Variants in LRP1B observed in about 807,000 individuals in gnomAD.
LRP1B encodes the protein LDL receptor related protein 1B, also known as low-density lipoprotein receptor-related protein 1B.
A neutral mutation model predicts 556.6 loss-of-function variants in LRP1B; 217 were observed. The ratio of observed to expected loss-of-function variants is 0.39; its 90% CI spans 0.35 to 0.44. LRP1B has a LOEUF of 0.44. Ranked by LOEUF, LRP1B falls within the 20% of genes least tolerant of loss-of-function variation. LRP1B has a pLI of 1.00. For missense variants in LRP1B, 5,053 were observed against 5,620.8 expected, an observed-to-expected ratio of 0.90 and a Z score of 3.23; for synonymous variants, 2,047 against 1,865.8, an observed-to-expected ratio of 1.10 and a Z score of -2.50.
At chr2:140,472,758 A>G (rs1026279981) in intron 60 of LRP1B, among the ~76,000 whole-genome samples, 2 of 152,050 alleles carry the variant, frequency 1.3e-5, no homozygotes, top group African/African-American at 4.8e-5. Context: ...GGGAAAGAAT[A>G]CCCAACTTTT....
chr2:142,105,455 C>T (rs1053410418), intron 1 of LRP1B, among the ~76,000 whole-genome samples: 4 of 152,118 alleles, frequency 2.6e-5, no homozygotes, highest in South Asian at 2.1e-4. Context: ...TCACTGTTAA[C>T]TCTTACATGG....
At chr2:141,784,628 T>C (rs1396035325) in intron 2 of LRP1B, among the ~76,000 whole-genome samples, 1 of 151,942 alleles carries the variant, frequency 6.6e-6, no homozygotes, top group Non-Finnish European at 1.5e-5. Flanking sequence ...AAATATGTTT[T>C]CCTTACCCCA....
intron 25 of LRP1B, among the ~76,000 whole-genome samples, chr2:140,875,401 ATTAAAAT>A (rs1693274136): frequency 6.6e-6 from 1 of 152,190 alleles, no homozygotes; most frequent in South Asian, 2.1e-4. Flanking sequence ...TATGGTCAAG[ATTAAAAT>A]TTTATAGATT....
At chr2:141,863,775 C>A in intron 1 of LRP1B, among the ~76,000 whole-genome samples, 1 of 151,784 alleles carries the variant, frequency 6.6e-6, no homozygotes, top group Non-Finnish European at 1.5e-5. Flanking sequence ...CAAACTTAAA[C>A]CTATTTGATT....
intron 31 of LRP1B, among the ~76,000 whole-genome samples, chr2:140,814,742 G>A (rs1041716828): frequency 6.6e-6 from 1 of 152,108 alleles, no homozygotes. Flanking sequence ...GGTTGATATG[G>A]GGGAGATAAA....
chr2:141,203,389 C>T (rs1403549997), intron 6 of LRP1B, among the ~76,000 whole-genome samples: 2 of 151,920 alleles, frequency 1.3e-5, no homozygotes, highest in African/African-American at 2.4e-5. Flanking sequence ...AGTTGCAATC[C>T]TAATCTGTGA....
intron 41 of LRP1B, among the ~76,000 whole-genome samples, chr2:140,602,625 T>C (rs1306111961): frequency 6.6e-6 from 1 of 152,058 alleles, no homozygotes; most frequent in East Asian, 1.9e-4. Context: ...AATAGGTATC[T>C]GAAAAGAGCT....
chr2:141,899,906 C>G (rs978809792), intron 1 of LRP1B, among the ~76,000 whole-genome samples: 4 of 152,098 alleles, frequency 2.6e-5, no homozygotes, highest in South Asian at 4.1e-4. Context: ...ATCTCTACCC[C>G]CTGCTTGGCA....
At chr2:140,490,233 C>T (rs1278667069) in intron 57 of LRP1B, among the ~76,000 whole-genome samples, 1 of 152,054 alleles carries the variant, frequency 6.6e-6, no homozygotes, top group Non-Finnish European at 1.5e-5. Context: ...GGAATAAAGA[C>T]ACTGTTCAAA....
intron 7 of LRP1B, among the ~76,000 whole-genome samples, chr2:141,118,398 G>T (rs1480969070): frequency 2.0e-5 from 3 of 151,826 alleles, no homozygotes; most frequent in Non-Finnish European, 4.4e-5. Flanking sequence ...TCCTTTCTGA[G>T]ATTAGTTAAC....
chr2:141,050,337 T>A (rs2380921), intron 10 of LRP1B, among the ~76,000 whole-genome samples: 127,732 of 151,634 alleles, frequency 0.84, 54,176 homozygotes, highest in Non-Finnish European at 0.88. Context: ...GTAATTTTTT[T>A]AAAAATTTTA....
At chr2:142,021,851 G>C (rs557476166) in intron 1 of LRP1B, among the ~76,000 whole-genome samples, 14 of 152,112 alleles carry the variant, frequency 9.2e-5, no homozygotes, top group Admixed American at 2.0e-4. Flanking sequence ...TTTTGCATAG[G>C]AATGAAGAAC....
chr2:141,019,906 G>T lies in LRP1B; in HGVS notation c.1970+16C>A. 6.6e-7 allele frequency: 1 copy of T among 1,519,214 alleles called. No homozygotes were observed. The highest frequency in any genetic ancestry group is 8.9e-7 in the Non-Finnish European group (1 of 1,127,010). 94.1% of individuals were successfully genotyped at this position (1,519,214 alleles called of 1,614,324 possible). A position where few individuals can be genotyped will look rare whatever the true frequency, so the allele number is the denominator to read the frequency against. ...TTATCATTTTTCTTATATAAAGCTA[G>T]TCAAATATTGCATACCCATTAACTG... On this transcript the variant is annotated intron_variant, in intron 12 of 90. Coordinates refer to ENST00000389484, the MANE Select transcript of LRP1B (RefSeq NM_018557.3).
chr2:141,725,512 C>A, intron 2 of LRP1B, among the ~76,000 whole-genome samples: 1 of 151,730 alleles, frequency 6.6e-6, no homozygotes, highest in East Asian at 1.9e-4. Context: ...ATTAAAGTTG[C>A]AACAAGTAAT....
intron 7 of LRP1B, among the ~76,000 whole-genome samples, chr2:141,074,607 G>GT (rs1224678669): frequency 1.7e-5 from 2 of 114,584 alleles, no homozygotes; most frequent in African/African-American, 3.2e-5. Context: ...ATATATATAT[G>GT]TTTTTTATAT....
intron 2 of LRP1B, among the ~76,000 whole-genome samples, chr2:141,552,669 T>TA (rs1238885267): frequency 9.9e-5 from 15 of 152,018 alleles, no homozygotes; most frequent in East Asian, 9.7e-4. Flanking sequence ...CCCTTTGTAT[T>TA]AAAAAAATGT....
chr2:141,959,081 C>CT (rs1373944138), intron 1 of LRP1B, among the ~76,000 whole-genome samples: 14 of 151,950 alleles, frequency 9.2e-5, no homozygotes, highest in Non-Finnish European at 1.9e-4. Context: ...CATTTTCTTC[C>CT]TTTTTAAAAT....
At position 140,616,855 on chromosome 2, in the gene LRP1B, AT is replaced by A. The variant is rs560910102; in HGVS notation, c.6800-15217del. Among the ~76,000 whole-genome samples the A allele has an allele frequency of 4.7e-3, 718 of 152,010 alleles. 5 individuals carry two copies. Among genetic ancestry groups the A allele is most frequent in the African/African-American group, 0.017 (688 of 41,530 alleles). On this transcript the variant is annotated intron_variant, in intron 41 of 90. Transcript: ENST00000389484. Reference sequence around the variant, plus strand: ...ACACTATCAGTTCATGCCCTAGCTGATTTCTTTCATTATTCAATGACTACAA... The same window carrying A: ...ACACTATCAGTTCATGCCCTAGCTGATTCTTTCATTATTCAATGACTACAA...
At chr2:141,485,840 T>A (rs1683100455) in intron 2 of LRP1B, among the ~76,000 whole-genome samples, 1 of 152,106 alleles carries the variant, frequency 6.6e-6, no homozygotes, top group Non-Finnish European at 1.5e-5. Flanking sequence ...ATGAAGACTT[T>A]CAGGCATTTG....
Sources: allele counts gnomAD v4.1 joint callset (sites outside exome capture counted in the v4.1 genomes callset), GRCh38; gene constraint gnomAD v4.1.1; transcripts MANE v1.5; gene names NCBI Gene and HGNC (gene_info 2026-07-23, HGNC 2026-07-21).